The following SPSB1 variants were observed in gnomAD, a reference collection of about 807,000 sequenced individuals.
SPSB1 encodes the protein splA/ryanodine receptor domain and SOCS box containing 1.
SPSB1 carries 8 observed loss-of-function variants against 21.2 expected under a neutral mutation model. The observed-to-expected ratio is 0.38, with a 90% CI of 0.22 to 0.68. The LOEUF (loss-of-function observed/expected upper bound fraction) is 0.68. Among genes scored for constraint, SPSB1 ranks in the 30% least tolerant of loss-of-function variants. SPSB1 has a pLI of 0.53. For missense variants in SPSB1, 242 were observed against 377.8 expected (o/e 0.64, Z 2.98); for synonymous variants, 169 against 161.7 (o/e 1.05, Z -0.34).
In SPSB1 at chr1:9,305,722, C is replaced by T. The variant is rs1639400138; in HGVS notation, c.-150+12651C>T. Among the ~76,000 whole-genome samples the T allele has an allele frequency of 6.6e-6, 1 of 152,200 alleles. No homozygotes were observed. The highest frequency in any genetic ancestry group is 2.4e-5 in the African/African-American group (1 of 41,448). Reference sequence around the variant, plus strand: ...GTTCTCAGGAGCTGTTAGTGGGCCACTTGTCATTCATGCTTTTATTCAAAC... The same window carrying T: ...GTTCTCAGGAGCTGTTAGTGGGCCATTTGTCATTCATGCTTTTATTCAAAC... On this transcript the variant is annotated intron_variant, in intron 1 of 2. Coordinates refer to ENST00000328089, the MANE Select transcript of SPSB1 (RefSeq NM_025106.4). The surrounding 1 kb of genome is among the most constrained non-coding windows in gnomAD (Gnocchi z 4.8).
chr1:9,301,934 G>A lies in SPSB1; in HGVS notation c.-150+8863G>A, dbSNP rs146016535. 2.9e-3 allele frequency among the ~76,000 whole-genome samples: 436 copies of A among 152,312 alleles called. 20 individuals carry two copies. In the South Asian group the frequency reaches 0.075, roughly 26 times the overall value. ...AGGCACTTATTCTGGATACAGATTCGTCTTCCCTGCACACAGTGCTTCTGC... is the reference window on the plus strand; with the variant it reads ...AGGCACTTATTCTGGATACAGATTCATCTTCCCTGCACACAGTGCTTCTGC... On this transcript the variant is annotated intron_variant, in intron 1 of 2. Transcript: ENST00000328089.
chr1:9,361,624 C>G (rs767725423), intron 2 of SPSB1, among the ~76,000 whole-genome samples: 1 of 152,220 alleles, frequency 6.6e-6, no homozygotes, highest in African/African-American at 2.4e-5. Context: ...TCGACGTTTC[C>G]CTGTGCGGCC....
intron 1 of SPSB1, among the ~76,000 whole-genome samples, chr1:9,332,332 G>A (rs978348280): frequency 1.3e-5 from 2 of 152,272 alleles, no homozygotes; most frequent in African/African-American, 4.8e-5. Context: ...AGCAACTATG[G>A]GGGCAGCAAT....
intron 1 of SPSB1, among the ~76,000 whole-genome samples, chr1:9,352,600 CTG>C (rs1640279756): frequency 6.6e-6 from 1 of 152,124 alleles, no homozygotes; most frequent in Non-Finnish European, 1.5e-5. Context: ...GACAGGCGTT[CTG>C]TGTGTTCAGT....
At chr1:9,301,150 A>C (rs1639321128) in intron 1 of SPSB1, among the ~76,000 whole-genome samples, 2 of 152,302 alleles carry the variant, frequency 1.3e-5, no homozygotes, top group South Asian at 4.1e-4. Flanking sequence ...CTGGATGGTC[A>C]GGGATTTGGG....
intron 1 of SPSB1, among the ~76,000 whole-genome samples, chr1:9,312,687 A>G (rs906055955): frequency 6.6e-6 from 1 of 152,024 alleles, no homozygotes. Context: ...TGATTGGATG[A>G]TTGTGCATGG....
chr1:9,352,367 G>A (rs1412925954), intron 1 of SPSB1, among the ~76,000 whole-genome samples: 2 of 152,190 alleles, frequency 1.3e-5, no homozygotes, highest in South Asian at 2.1e-4. Flanking sequence ...ACAAGGCTGT[G>A]TCTTAAGTGG....
chr1:9,319,047 G>A (rs34749664), intron 1 of SPSB1, among the ~76,000 whole-genome samples: 58,714 of 151,840 alleles, frequency 0.39, 11,745 homozygotes, highest in South Asian at 0.47. Context: ...GCATGGTGGC[G>A]CACCCCTGTA....
chr1:9,331,759 A>T (rs1639924305), intron 1 of SPSB1, among the ~76,000 whole-genome samples: 1 of 152,170 alleles, frequency 6.6e-6, no homozygotes. Context: ...TCCTGTGTGT[A>T]GACAGGAGGC....
At chr1:9,341,724 C>T (rs762886345) in intron 1 of SPSB1, among the ~76,000 whole-genome samples, 6 of 152,172 alleles carry the variant, frequency 3.9e-5, no homozygotes, top group Admixed American at 6.5e-5. Context: ...TTTTTTGAGA[C>T]GGGGTTTCAC....
chr1:9,333,324 G>C (rs1639952420), intron 1 of SPSB1, among the ~76,000 whole-genome samples: 1 of 129,236 alleles, frequency 7.7e-6, no homozygotes. Context: ...CTTCTTGTCA[G>C]CTTCTTTTTT....
intron 2 of SPSB1, among the ~76,000 whole-genome samples, chr1:9,362,454 C>T (rs539224500): frequency 2.0e-5 from 3 of 152,386 alleles, no homozygotes; most frequent in Non-Finnish European, 2.9e-5. Context: ...ATGATGGCCA[C>T]CCGACCCGTG....
intron 1 of SPSB1, among the ~76,000 whole-genome samples, chr1:9,340,242 G>A (rs1448654181): frequency 6.6e-6 from 1 of 152,170 alleles, no homozygotes; most frequent in Non-Finnish European, 1.5e-5. Context: ...CCATTTGGGG[G>A]CCTAGAGAAG....
chr1:9,333,705 G>A (rs1159769750), intron 1 of SPSB1, among the ~76,000 whole-genome samples: 1 of 152,206 alleles, frequency 6.6e-6, no homozygotes, highest in Non-Finnish European at 1.5e-5. Context: ...GCTGACCCCA[G>A]AGCGGCCCGG....
At chr1:9,327,006 CCTTGCACCTG>C (rs1166032276) in intron 1 of SPSB1, among the ~76,000 whole-genome samples, 1 of 152,192 alleles carries the variant, frequency 6.6e-6, no homozygotes, top group African/African-American at 2.4e-5. Context: ...ACCCCAGCCT[CCTTGCACCTG>C]GGGGTCTTGG....
Position 9,335,706 on chromosome 1 carries a change from A to G in SPSB1, c.-149-20037A>G, listed in dbSNP as rs557851840. ...TCCCAGGTACTTGGGAGGCTGAGGC[A>G]GGAAGATCACTTGAGCACTTGAGCC... is the stretch of plus-strand genomic sequence containing the variant. On this transcript the variant is annotated intron_variant, in intron 1 of 2. Transcript: ENST00000328089. 1.3e-4 allele frequency among the ~76,000 whole-genome samples: 19 copies of G among 151,876 alleles called. No individual in the cohort carries two copies. In the East Asian group the frequency reaches 3.5e-3, roughly 28 times the overall value.
chr1:9,364,478 G>C (rs768677942), intron 2 of SPSB1, among the ~76,000 whole-genome samples: 1 of 152,224 alleles, frequency 6.6e-6, no homozygotes, highest in Non-Finnish European at 1.5e-5. Flanking sequence ...GTCAGGCTGC[G>C]GGGCAGGGTC....
At chr1:9,352,831 T>G (rs1055073340) in intron 1 of SPSB1, among the ~76,000 whole-genome samples, 1 of 51,256 alleles carries the variant, frequency 2.0e-5, no homozygotes. Context: ...TCTCCCACCC[T>G]CCCCTCCCTC....
chr1:9,343,462 A>G lies in SPSB1; in HGVS notation c.-149-12281A>G, dbSNP rs935594669. On this transcript the variant is annotated intron_variant, in intron 1 of 2. Coordinates refer to ENST00000328089, the MANE Select transcript of SPSB1 (RefSeq NM_025106.4). ...CTTTATGCCTTTTTATGGCTGAATA[A>G]TATTCCACTGAATGTGTATACCACA... Among the ~76,000 whole-genome samples, 21 of 152,248 alleles carry G rather than the reference A, an allele frequency of 1.4e-4. 1 individual carries two copies. The highest frequency in any genetic ancestry group is 4.8e-4 in the African/African-American group (20 of 41,468).
Sources: gnomAD v4.1 joint callset for allele counts (sites outside exome capture counted in the v4.1 genomes callset) on GRCh38, gnomAD v4.1.1 for gene constraint, Gnocchi (gnomAD v3.1) non-coding constraint, MANE v1.5 for transcripts, NCBI Gene and HGNC (gene_info 2026-07-23, HGNC 2026-07-21) for gene names.